Variants in CAPSL observed in about 807,000 individuals in gnomAD.
CAPSL encodes the protein calcyphosine like.
In CAPSL, 17 loss-of-function variants were observed where a neutral mutation model predicts 21.3. The observed-to-expected ratio is 0.80, with a 90% CI of 0.55 to 1.20. The LOEUF is 1.20. Ranked by LOEUF, CAPSL falls within the 50% of genes most tolerant of loss-of-function variation. The probability of loss-of-function intolerance (pLI) is 0.00; values close to 1 mark genes in which losing one functional copy is unlikely to be tolerated. For missense variants in CAPSL, 289 were observed against 259.3 expected, an observed-to-expected ratio of 1.11 and a Z score of -0.79; for synonymous variants, 102 against 89.3, an observed-to-expected ratio of 1.14 and a Z score of -0.80.
chr5:35,937,511 C>T (rs1331501626), intron 1 of CAPSL, among the ~76,000 whole-genome samples: 1 of 152,158 alleles, frequency 6.6e-6, no homozygotes, highest in Non-Finnish European at 1.5e-5. Flanking sequence ...GAAGTCCCAC[C>T]CATCCTTCCA....
At chr5:35,920,493 T>C (rs1198237671) in intron 2 of CAPSL, among the ~76,000 whole-genome samples, 2 of 152,178 alleles carry the variant, frequency 1.3e-5, no homozygotes, top group Non-Finnish European at 2.9e-5. Flanking sequence ...GAACAGGAGC[T>C]ACCCAGCTGA....
intron 2 of CAPSL, among the ~76,000 whole-genome samples, chr5:35,915,600 C>G (rs530824615): frequency 6.6e-6 from 1 of 152,038 alleles, no homozygotes; most frequent in Non-Finnish European, 1.5e-5. Flanking sequence ...ACAGAACCAA[C>G]GACAAAAACC....
intron 1 of CAPSL, among the ~76,000 whole-genome samples, chr5:35,923,989 A>C (rs6451239): frequency 6.6e-6 from 1 of 152,014 alleles, no homozygotes; most frequent in South Asian, 2.1e-4. Context: ...TGTTATACAA[A>C]GTAAATACAT....
intron 1 of CAPSL, among the ~76,000 whole-genome samples, chr5:35,922,213 C>T (rs1411724910): frequency 6.6e-6 from 1 of 152,160 alleles, no homozygotes; most frequent in Non-Finnish European, 1.5e-5. Context: ...AGATTCACAA[C>T]CTCGTCTATG....
At chr5:35,922,840 T>G (rs1258138144) in intron 1 of CAPSL, among the ~76,000 whole-genome samples, 1 of 152,166 alleles carries the variant, frequency 6.6e-6, no homozygotes, top group Non-Finnish European at 1.5e-5. Context: ...TGTCCCCTTA[T>G]TAACAGCCAG....
chr5:35,927,396 G>A (rs1738713307), intron 1 of CAPSL, among the ~76,000 whole-genome samples: 1 of 152,162 alleles, frequency 6.6e-6, no homozygotes, highest in South Asian at 2.1e-4. Context: ...CAATAGCAAG[G>A]AACCTGGGGT....
Position 35,932,055 on chromosome 5 carries a change from C to T in CAPSL, c.-1+6486G>A, listed in dbSNP as rs1373798203. ...GAATGCTTCTTTTGGAGTCATTTGT[C>T]TATTTTAATGTTTATTTTATGGCCA... On this transcript the variant is annotated intron_variant, in intron 1 of 4. Transcript: ENST00000651391. 2.0e-5 allele frequency among the ~76,000 whole-genome samples: 3 copies of T among 152,222 alleles called. No individual in the cohort carries two copies. In the East Asian group the frequency reaches 5.8e-4, roughly 29 times the overall value.
At position 35,931,611 on chromosome 5, in the gene CAPSL, G is replaced by GT. The variant is rs529315970; in HGVS notation, c.-1+6929dup. Among the ~76,000 whole-genome samples the GT allele has an allele frequency of 2.9e-3, 439 of 152,170 alleles. 3 individuals are homozygous for GT. The highest frequency in any genetic ancestry group is 0.01 in the African/African-American group (430 of 41,496). ...CTTTGCTGTGCCTTGAGTCTCTGGGGTTTTTACAAAGAAATAACTTACAAT... is the reference window on the plus strand; with the variant it reads ...CTTTGCTGTGCCTTGAGTCTCTGGGGTTTTTTACAAAGAAATAACTTACAAT... On this transcript the variant is annotated intron_variant, in intron 1 of 4. Coordinates refer to ENST00000651391, the MANE Select transcript of CAPSL (RefSeq NM_001042625.2).
At chr5:35,905,802 G>A (rs1430072449) in intron 4 of CAPSL, among the ~76,000 whole-genome samples, 1 of 152,128 alleles carries the variant, frequency 6.6e-6, no homozygotes, top group African/African-American at 2.4e-5. Flanking sequence ...ATCAGTGTGG[G>A]TCCACACCAC....
chr5:35,917,484 A>T (rs1298727747), intron 2 of CAPSL, among the ~76,000 whole-genome samples: 2 of 152,324 alleles, frequency 1.3e-5, no homozygotes, highest in East Asian at 3.9e-4. Context: ...CAACAATGAT[A>T]GACTGGATTA....
At chr5:35,937,237 A>G (rs1247120732) in intron 1 of CAPSL, among the ~76,000 whole-genome samples, 1 of 152,246 alleles carries the variant, frequency 6.6e-6, no homozygotes, top group South Asian at 2.1e-4. Context: ...TTAGAAAATG[A>G]AAACATGAAC....
Position 35,935,335 on chromosome 5 carries a change from C to CTT in CAPSL, c.-1+3204_-1+3205dup, listed in dbSNP as rs113841969. The stretch of plus-strand genomic sequence containing the variant: ...TGGTCTCCTCTGAAAGTCCAAACTT[C>CTT]TTTTTTTTTTTTTCTGAGACAGGGT... On this transcript the variant is annotated intron_variant, in intron 1 of 4. Transcript: ENST00000651391. 1.0e-3 allele frequency among the ~76,000 whole-genome samples: 150 copies of CTT among 145,746 alleles called. 1 individual carries two copies. Among genetic ancestry groups the CTT allele is most frequent in the African/African-American group, 3.0e-3 (120 of 39,754 alleles).
chr5:35,937,481 CT>C (rs1232786152), intron 1 of CAPSL, among the ~76,000 whole-genome samples: 2 of 152,234 alleles, frequency 1.3e-5, no homozygotes. Flanking sequence ...GGTACACCTT[CT>C]TTTTCCTGTT....
At chr5:35,933,717 A>G (rs6892087) in intron 1 of CAPSL, among the ~76,000 whole-genome samples, 29,055 of 152,156 alleles carry the variant, frequency 0.19, 3,719 homozygotes, top group African/African-American at 0.37. Context: ...ACTAAGCAGA[A>G]CTTCCAAAGA....
Position 35,911,905 on chromosome 5 carries a change from G to T in CAPSL, c.138-1362C>A, listed in dbSNP as rs193020969. Among the ~76,000 whole-genome samples, 72 of 152,266 alleles carry T rather than the reference G, an allele frequency of 4.7e-4. 1 individual carries two copies. In the East Asian group the frequency reaches 0.01, roughly 22 times the overall value. ...GCACACCAAGCATGAGCTGAAGCAG[G>T]GCAAGGCATCGCCTCACCCAGGAAG... is the stretch of plus-strand genomic sequence containing the variant. On this transcript the variant is annotated intron_variant, in intron 2 of 4. Coordinates refer to ENST00000651391, the MANE Select transcript of CAPSL (RefSeq NM_001042625.2).
rs540950861 is a variant in CAPSL, at chr5:35,936,470, C to A, written c.-1+2071G>T. On this transcript the variant is annotated intron_variant, in intron 1 of 4. Transcript: ENST00000651391. Reference sequence around the variant, plus strand: ...ATTTTCTACTTTCTCATGCCCCATTCATACTTCGGTCCATTTCAATATGGT... The same window carrying A: ...ATTTTCTACTTTCTCATGCCCCATTAATACTTCGGTCCATTTCAATATGGT... Among the ~76,000 whole-genome samples, 3 of 152,312 alleles carry A rather than the reference C, an allele frequency of 2.0e-5. No homozygotes were observed. In the South Asian group the frequency reaches 6.2e-4, roughly 32 times the overall value.
chr5:35,929,802 C>T (rs994920677), intron 1 of CAPSL, among the ~76,000 whole-genome samples: 2 of 152,070 alleles, frequency 1.3e-5, no homozygotes, highest in African/African-American at 4.8e-5. Context: ...ACTCACAGTC[C>T]CTAAACATGA....
chr5:35,910,604 G>A, intron 2 of CAPSL, 61 bp from the exon 3 acceptor site: 6 of 1,258,512 alleles, frequency 4.8e-6, no homozygotes, highest in South Asian at 1.5e-5. Flanking sequence ...TAAGTGTAAA[G>A]ATTAAAAAAA....
chr5:35,911,596 G>A (rs2149918486), intron 2 of CAPSL, among the ~76,000 whole-genome samples: 1 of 152,300 alleles, frequency 6.6e-6, no homozygotes, highest in Non-Finnish European at 1.5e-5. Context: ...AACATTACAA[G>A]TAAATGTAAA....
Sources: allele counts gnomAD v4.1 joint callset (sites outside exome capture counted in the v4.1 genomes callset), GRCh38; gene constraint gnomAD v4.1.1; transcripts MANE v1.5; gene names NCBI Gene and HGNC (gene_info 2026-07-23, HGNC 2026-07-21).